Variants in LUZP2 observed in about 807,000 individuals in gnomAD.
LUZP2 encodes the protein leucine zipper protein 2.
Under a neutral mutation model 51.6 loss-of-function variants are expected in LUZP2, and 52 were observed. The observed-to-expected ratio is 1.01, with a 90% confidence interval of 0.81 to 1.27. The LOEUF (loss-of-function observed/expected upper bound fraction) is 1.27. Ranked by LOEUF, LUZP2 falls within the 50% of genes most tolerant of loss-of-function variation. The pLI is 0.00. For missense variants in LUZP2, 436 were observed against 395.4 expected (o/e 1.10, Z -0.87); for synonymous variants, 154 against 137.3 (o/e 1.12, Z -0.85).
At chr11:24,916,450 C>T (rs1267420497) in intron 7 of LUZP2, among the ~76,000 whole-genome samples, 1 of 151,892 alleles carries the variant, frequency 6.6e-6, no homozygotes. Flanking sequence ...TCATCATTTA[C>T]ATTAGGTGTA....
At chr11:24,630,502 T>C (rs1024626702) in intron 1 of LUZP2, among the ~76,000 whole-genome samples, 2 of 152,024 alleles carry the variant, frequency 1.3e-5, no homozygotes, top group Admixed American at 6.6e-5. Context: ...TGGCTTTAAA[T>C]ATGTTGCTTT....
At chr11:24,926,240 T>G (rs978761331) in intron 7 of LUZP2, among the ~76,000 whole-genome samples, 5 of 143,964 alleles carry the variant, frequency 3.5e-5, no homozygotes, top group African/African-American at 1.3e-4. Context: ...TATATATGTG[T>G]GTGTATATAT....
chr11:24,549,500 T>C (rs573901044), intron 1 of LUZP2, among the ~76,000 whole-genome samples: 107 of 152,188 alleles, frequency 7.0e-4, no homozygotes, highest in African/African-American at 2.5e-3. Context: ...ATATAGCAAA[T>C]ACATAAACTA....
intron 1 of LUZP2, among the ~76,000 whole-genome samples, chr11:24,581,599 A>G (rs1852857219): frequency 6.6e-6 from 1 of 151,902 alleles, no homozygotes; most frequent in Non-Finnish European, 1.5e-5. Flanking sequence ...TGAACTCGGG[A>G]GGTGGAGGCA....
At chr11:24,506,465 A>C (rs1417625657) in intron 1 of LUZP2, among the ~76,000 whole-genome samples, 1 of 152,102 alleles carries the variant, frequency 6.6e-6, no homozygotes, top group East Asian at 1.9e-4. Flanking sequence ...TTTCCTTCAG[A>C]TGCCACAGAG....
chr11:24,752,394 A>G (rs947470903), intron 4 of LUZP2, among the ~76,000 whole-genome samples: 1 of 152,174 alleles, frequency 6.6e-6, no homozygotes, highest in Non-Finnish European at 1.5e-5. Flanking sequence ...AAAGCACGTA[A>G]AGCATGGAAG....
At chr11:24,884,340 C>T (rs951572456) in intron 5 of LUZP2, among the ~76,000 whole-genome samples, 1 of 151,882 alleles carries the variant, frequency 6.6e-6, no homozygotes, top group African/African-American at 2.4e-5. Context: ...AAGAAATTTA[C>T]CTTATGGTAC....
At chr11:24,506,805 TA>T (rs1362013503) in intron 1 of LUZP2, among the ~76,000 whole-genome samples, 5 of 152,002 alleles carry the variant, frequency 3.3e-5, no homozygotes, top group Non-Finnish European at 4.4e-5. Context: ...TTCCCCCAGC[TA>T]AAAATTGGCC....
intron 7 of LUZP2, among the ~76,000 whole-genome samples, chr11:24,934,667 G>A (rs1223030676): frequency 6.6e-6 from 1 of 151,988 alleles, no homozygotes; most frequent in African/African-American, 2.4e-5. Context: ...TATATGTCAG[G>A]ACTTGTAAAT....
At chr11:24,666,391 T>C (rs1337460189) in intron 1 of LUZP2, among the ~76,000 whole-genome samples, 1 of 151,996 alleles carries the variant, frequency 6.6e-6, no homozygotes, top group East Asian at 1.9e-4. Flanking sequence ...AAAATGAAAA[T>C]TGCCTGAAAA....
intron 5 of LUZP2, among the ~76,000 whole-genome samples, chr11:24,792,618 G>A (rs575439478): frequency 1.1e-4 from 17 of 152,166 alleles, no homozygotes; most frequent in East Asian, 3.9e-4. Context: ...ATTGAAGTTC[G>A]TATGCCTAAT....
intron 1 of LUZP2, among the ~76,000 whole-genome samples, chr11:24,543,086 G>A (rs571249957): frequency 1.3e-4 from 19 of 151,828 alleles, no homozygotes; most frequent in Non-Finnish European, 2.2e-4. Context: ...TTAAATATTC[G>A]GGGAGATTTG....
rs1856100457 is a variant in LUZP2 at position 24,983,524 on chromosome 11, C to A, written c.765+231C>A. On this transcript the variant is annotated intron_variant, in intron 9 of 11. Transcript: ENST00000336930. ...AGCCTAGCTGATTCTTAGGCAGAATCATCTAATTGTTTAACACAAAACAAA... is the reference window on the plus strand; with the variant it reads ...AGCCTAGCTGATTCTTAGGCAGAATAATCTAATTGTTTAACACAAAACAAA... 2.6e-5 allele frequency among the ~76,000 whole-genome samples: 4 copies of A among 151,678 alleles called. No individual in the cohort carries two copies. The South Asian group carries it at 8.3e-4, about 31-fold the overall frequency.
At chr11:24,922,904 A>AGTG (rs1467693909) in intron 7 of LUZP2, among the ~76,000 whole-genome samples, 14 of 124,938 alleles carry the variant, frequency 1.1e-4, no homozygotes, top group Non-Finnish European at 9.3e-5. Flanking sequence ...GCTGGAGTGC[A>AGTG]GTGGCACGAT....
At chr11:24,835,545 T>G in intron 5 of LUZP2, among the ~76,000 whole-genome samples, 1 of 152,114 alleles carries the variant, frequency 6.6e-6, no homozygotes, top group East Asian at 1.9e-4. Flanking sequence ...GTTGGATTCT[T>G]TAAGCTACAG....
chr11:24,925,175 C>T (rs1335377986), intron 7 of LUZP2, among the ~76,000 whole-genome samples: 1 of 152,056 alleles, frequency 6.6e-6, no homozygotes, highest in Admixed American at 6.6e-5. Context: ...TCTCTTATTG[C>T]TACAAAGAGT....
At chr11:24,860,955 C>A (rs1851723395) in intron 5 of LUZP2, among the ~76,000 whole-genome samples, 1 of 152,118 alleles carries the variant, frequency 6.6e-6, no homozygotes, top group Non-Finnish European at 1.5e-5. Context: ...GATGGAGGAT[C>A]AGATGGATGA....
At chr11:24,607,461 A>G (rs1853967124) in intron 1 of LUZP2, among the ~76,000 whole-genome samples, 1 of 150,448 alleles carries the variant, frequency 6.6e-6, no homozygotes, top group African/African-American at 2.5e-5. Context: ...AAAATTAAAC[A>G]TATATGCATG....
intron 5 of LUZP2, among the ~76,000 whole-genome samples, chr11:24,835,834 A>C (rs995011387): frequency 2.0e-5 from 3 of 152,072 alleles, no homozygotes; most frequent in Non-Finnish European, 4.4e-5. Flanking sequence ...ATTTACTGCC[A>C]AAGTAATGTT....
Sources: gnomAD v4.1 joint callset for allele counts (sites outside exome capture counted in the v4.1 genomes callset) on GRCh38, gnomAD v4.1.1 for gene constraint, MANE v1.5 for transcripts, NCBI Gene and HGNC (gene_info 2026-07-23, HGNC 2026-07-21) for gene names.